Variants in SPATA2L observed in about 807,000 individuals in gnomAD.
SPATA2L encodes spermatogenesis associated 2 like, also known as spermatogenesis-associated protein 2-like protein.
In SPATA2L, 5 loss-of-function variants were observed where a neutral mutation model predicts 8.7. The ratio of observed to expected loss-of-function variants is 0.57; its 90% CI spans 0.30 to 1.21. SPATA2L has a LOEUF of 1.21. SPATA2L is among the 50% of genes most tolerant of loss of function. The pLI is 0.07. For synonymous variants in SPATA2L, 358 were observed against 275.8 expected (o/e 1.30, Z -2.95); for missense variants, 671 against 591.0 (o/e 1.14, Z -1.40).
rs772621883 is a variant in SPATA2L at position 89,697,924 on chromosome 16, G to A, written c.685C>T (p.Arg229Trp). The part of the protein sequence containing the change: ...AAYRAPLDLY[R>W]DLQEDEGSED... ...GACCCCTCGTCTTCCTGCAAGTCCC[G>A]GTATAAGTCCAGTGGGGCCCTGTAA... Residue 229 changes from arginine (R) to tryptophan (W), a missense_variant, in exon 3 of 3, where the codon CGG becomes TGG. Physicochemically the swap from Arg to Trp is moderately radical, Grantham distance 101. Transcript: ENST00000289805. 17 of 1,610,894 alleles carry A rather than the reference G, an allele frequency of 1.1e-5. No individual in the cohort carries two copies. The highest frequency in any genetic ancestry group is 4.0e-5 in the African/African-American group (3 of 74,922).
At chr16:89,698,451 G>T in intron 2 of SPATA2L, 146 bp from the exon 3 acceptor site, 2 of 619,864 alleles carry the variant, frequency 3.2e-6, no homozygotes, top group Non-Finnish European at 2.6e-6. Context: ...GCCAGCTTGG[G>T]CCAGGCCCAA....
intron 2 of SPATA2L, 94 bp from the exon 3 acceptor site, chr16:89,698,399 G>A: frequency 7.0e-7 from 1 of 1,418,926 alleles, no homozygotes; most frequent in Non-Finnish European, 9.4e-7. Flanking sequence ...TCAGGCCTTG[G>A]CAGCTTCTGA....
rs2151610472 is a variant in SPATA2L, at chr16:89,698,225, G to C, written c.384C>G (p.Gly128=). ...GCCGATGGCTGTCTCTGCGTACGTA[G>C]CCCATCTTCTGGAAGCTCTTCAGGA... ...DLLLKSFQKM[G]YVRRDSHRLM... The change falls in exon 3 of 3, where the codon GGC becomes GGG. Residue 128 remains glycine, a synonymous_variant. Transcript: ENST00000289805. 1 of 1,612,140 alleles carries C rather than the reference G, an allele frequency of 6.2e-7. No individual in the cohort carries two copies. Among genetic ancestry groups the C allele is most frequent in the Admixed American group, 1.7e-5 (1 of 59,874 alleles).
chr16:89,697,820 G>T lies in SPATA2L; in HGVS notation c.789C>A (p.Leu263=). The T allele has an allele frequency of 6.2e-7, 1 of 1,604,972 alleles. No homozygotes were observed. ...PPAELAYRPP[L]WEQSAKLWGT... is the part of the protein sequence containing the mutation. The stretch of plus-strand genomic sequence containing the variant: ...CCCACAGTTTGGCACTCTGCTCCCA[G>T]AGTGGTGGCCTGTAGGCCAGCTCCG... The change falls in exon 3 of 3, where the codon CTC becomes CTA. Residue 263 remains leucine, a synonymous_variant. Transcript: ENST00000289805.
At chr16:89,699,200 C>T (rs1025135927) in intron 2 of SPATA2L, among the ~76,000 whole-genome samples, 27 of 152,306 alleles carry the variant, frequency 1.8e-4, no homozygotes, top group Non-Finnish European at 7.3e-5. Context: ...CCCACCGCTC[C>T]CTTCACCCCT....
At position 89,696,596 on chromosome 16, in the gene SPATA2L, G is replaced by A. The variant is rs1006997102; in HGVS notation, c.*738C>T. 1 of 531,624 alleles carries A rather than the reference G, an allele frequency of 1.9e-6. No homozygotes were observed. Among genetic ancestry groups the A allele is most frequent in the African/African-American group, 1.9e-5 (1 of 51,286 alleles). 32.9% of individuals were successfully genotyped at this position (531,624 alleles called of 1,614,324 possible). A position where few individuals can be genotyped will look rare whatever the true frequency, so the allele number is the denominator to read the frequency against. On this transcript the variant is annotated 3_prime_UTR_variant, in exon 3 of 3. Coordinates refer to ENST00000289805, the MANE Select transcript of SPATA2L (RefSeq NM_152339.4). ...CACCCACAGGGAATGGAGGGGAGGG[G>A]CACCATTACCACTGGACCCACCAAG... is the stretch of plus-strand genomic sequence containing the variant.
At chr16:89,700,500 A>T (rs2060768967) in intron 2 of SPATA2L, among the ~76,000 whole-genome samples, 1 of 152,180 alleles carries the variant, frequency 6.6e-6, no homozygotes, top group East Asian at 1.9e-4. Flanking sequence ...CCCAGCCCTG[A>T]GACTTCACAG....
In SPATA2L at chr16:89,697,970, G is replaced by T. The variant is rs769076541; in HGVS notation, c.639C>A (p.Pro213=). The change falls in exon 3 of 3, where the codon CCC becomes CCA. Residue 213 remains proline (P), a synonymous_variant. Transcript: ENST00000289805. ...TGTAAGCAGCAGGGGAGCCTCGGGG[G>T]GGCAGGGGTGGCGGCTCCTCATCCT... ...LAQDEEPPPL[P]PRGSPAAYRA... 29 of 1,605,164 alleles carry T rather than the reference G, an allele frequency of 1.8e-5. No individual in the cohort carries two copies. The South Asian group carries it at 2.0e-4, about 11-fold the overall frequency.
At chr16:89,699,709 C>G (rs1275732239) in intron 2 of SPATA2L, among the ~76,000 whole-genome samples, 3 of 152,174 alleles carry the variant, frequency 2.0e-5, no homozygotes, top group Non-Finnish European at 4.4e-5. Flanking sequence ...TGCCACCACA[C>G]CCAGCTCATT....
At position 89,696,797 on chromosome 16, in the gene SPATA2L, G is replaced by A. The variant is rs1450632089; in HGVS notation, c.*537C>T. 7.2e-6 allele frequency: 11 copies of A among 1,534,216 alleles called. No individual in the cohort carries two copies. The South Asian group carries it at 1.2e-4, about 17-fold the overall frequency. The stretch of plus-strand genomic sequence containing the variant: ...CCAGCTGCTGTGACACCCAAGGGGA[G>A]GGCCGGCGTCCCCGAAGCCAGGTCA... On this transcript the variant is annotated 3_prime_UTR_variant, in exon 3 of 3. Coordinates refer to ENST00000289805, the MANE Select transcript of SPATA2L (RefSeq NM_152339.4).
chr16:89,697,603 T>C lies in SPATA2L; in HGVS notation c.1006A>G (p.Ile336Val), dbSNP rs757774192. 50 of 1,602,782 alleles carry C rather than the reference T, an allele frequency of 3.1e-5. No individual in the cohort carries two copies. Among genetic ancestry groups the C allele is most frequent in the Non-Finnish European group, 3.8e-5 (45 of 1,178,392 alleles). Residue 336 changes from isoleucine (I) to valine (V), a missense_variant, in exon 3 of 3, where the codon ATT (isoleucine) becomes GTT (valine). Ile to Val is a conservative substitution (Grantham distance 29). Transcript: ENST00000289805. The stretch of plus-strand genomic sequence containing the variant: ...GAGGCTGGTACCCCCTCTGCCCGAA[T>C]ACGCCTCGGGCTGGCCGCTGCAGAG... Reference protein sequence around the residue: ...ESSAAASPRRIRAEGVPASAY... With the variant: ...ESSAAASPRRVRAEGVPASAY...
Position 89,696,720 on chromosome 16 carries a change from C to A in SPATA2L, c.*614G>T. 1 of 1,435,744 alleles carries A rather than the reference C, an allele frequency of 7.0e-7. No individual in the cohort carries two copies. The highest frequency in any genetic ancestry group is 9.4e-7 in the Non-Finnish European group (1 of 1,064,324). The allele number at this position is 1,435,744 out of a possible 1,614,324, so 88.9% of individuals were successfully genotyped here. ...TCAGCCACTGCCCGTTCCTGCGCCT[C>A]TCGTGCACCTCCACATCTGGTTTGA... On this transcript the variant is annotated 3_prime_UTR_variant, in exon 3 of 3. Coordinates refer to ENST00000289805, the MANE Select transcript of SPATA2L (RefSeq NM_152339.4).
At chr16:89,699,946 G>T (rs920319593) in intron 2 of SPATA2L, among the ~76,000 whole-genome samples, 2 of 152,160 alleles carry the variant, frequency 1.3e-5, no homozygotes, top group African/African-American at 2.4e-5. Context: ...CCCTAACTCC[G>T]GGACTCCTAG....
Position 89,697,326 on chromosome 16 carries a change from C to T in SPATA2L, c.*8G>A. 1.3e-6 allele frequency: 2 copies of T among 1,499,060 alleles called. No individual in the cohort carries two copies. The highest frequency in any genetic ancestry group is 1.8e-6 in the Non-Finnish European group (2 of 1,125,930). The allele number at this position is 1,499,060 out of a possible 1,614,324, so 92.9% of individuals were successfully genotyped here. ...TCCCAAGAGCCCTTGACCTGGGGCCCAGCTGGCCTAGGGCCGGGCCCCGGG... is the reference window on the plus strand; with the variant it reads ...TCCCAAGAGCCCTTGACCTGGGGCCTAGCTGGCCTAGGGCCGGGCCCCGGG... On this transcript the variant is annotated 3_prime_UTR_variant, in exon 3 of 3. Transcript: ENST00000289805.
chr16:89,699,754 G>T (rs1019640168), intron 2 of SPATA2L, among the ~76,000 whole-genome samples: 4 of 152,134 alleles, frequency 2.6e-5, no homozygotes, highest in African/African-American at 9.7e-5. Flanking sequence ...GTTTCACCAT[G>T]TTGGTTAGGC....
chr16:89,700,856 G>A, intron 2 of SPATA2L, 74 bp downstream of exon 2: 1 of 1,366,524 alleles, frequency 7.3e-7, no homozygotes, highest in Middle Eastern at 2.7e-4. Flanking sequence ...CGAAAGGCGT[G>A]GTCCCCCATG....
At chr16:89,700,205 C>T (rs2060766493) in intron 2 of SPATA2L, among the ~76,000 whole-genome samples, 1 of 152,246 alleles carries the variant, frequency 6.6e-6, no homozygotes, top group Admixed American at 6.5e-5. Context: ...CCCTGGGAGG[C>T]CTCAAGGGCG....
At position 89,697,114 on chromosome 16, in the gene SPATA2L, T is replaced by TGGTGG. The variant is rs34633516; in HGVS notation, c.*219_*220insCCACC. The TGGTGG allele has an allele frequency of 7.3e-7, 1 of 1,376,774 alleles. No individual in the cohort carries two copies. The highest frequency in any genetic ancestry group is 1.5e-5 in the African/African-American group (1 of 68,538). 85.3% of individuals were successfully genotyped at this position (1,376,774 alleles called of 1,614,324 possible). ...TCTGGGTTCCGAGGGTGGGGAAATG[T>TGGTGG]GGAAAGGCTCCTGCTGGCCGGCTTA... On this transcript the variant is annotated 3_prime_UTR_variant, in exon 3 of 3. Transcript: ENST00000289805.
rs1393478498 is a variant in SPATA2L, at chr16:89,697,385, C to A, written c.1224G>T (p.Gln408His). The change falls in exon 3 of 3, where the codon CAG becomes CAT. Residue 408 changes from glutamine (Q) to histidine (H), a missense_variant. By Grantham distance (24) the Gln-to-His change is conservative. Coordinates refer to ENST00000289805, the MANE Select transcript of SPATA2L (RefSeq NM_152339.4). ...LGDAQRRLWL[Q>H]RAQMDTLLYN... ...AGAGCAGAGTGTCCATCTGTGCACGCTGTAGCCACAAGCGCCGCTGGGCGT... is the reference window on the plus strand; with the variant it reads ...AGAGCAGAGTGTCCATCTGTGCACGATGTAGCCACAAGCGCCGCTGGGCGT... The A allele has an allele frequency of 1.9e-6, 3 of 1,589,732 alleles. No individual in the cohort carries two copies. Among genetic ancestry groups the A allele is most frequent in the East Asian group, 2.2e-5 (1 of 44,522 alleles).
Sources: gnomAD v4.1 joint callset for allele counts (sites outside exome capture counted in the v4.1 genomes callset) on GRCh38, gnomAD v4.1.1 for gene constraint, MANE v1.5 for transcripts, NCBI Gene and HGNC (gene_info 2026-07-23, HGNC 2026-07-21) for gene names.